Variants in SND1 observed in about 807,000 individuals in gnomAD.
The protein encoded by SND1 is staphylococcal nuclease and tudor domain containing 1.
Under a neutral mutation model 121.7 loss-of-function variants are expected in SND1, and 38 were observed. The observed-to-expected ratio is 0.31, with a 90% CI of 0.24 to 0.41. SND1 has a LOEUF of 0.41. SND1 is among the 10% of genes least tolerant of loss of function. The probability of loss-of-function intolerance (pLI) is 1.00; values close to 1 mark genes in which losing one functional copy is unlikely to be tolerated. For missense variants in SND1, 868 were observed against 1,184.6 expected, an observed-to-expected ratio of 0.73 and a Z score of 3.92; for synonymous variants, 401 against 447.4, an observed-to-expected ratio of 0.90 and a Z score of 1.31.
intron 10 of SND1, among the ~76,000 whole-genome samples, chr7:127,754,008 T>A (rs1426259765): frequency 2.6e-5 from 4 of 152,204 alleles, no homozygotes. Context: ...AGTATTTTAT[T>A]CACATTTAGC....
Position 127,700,057 on chromosome 7 carries a change from C to T in SND1, c.428+1104C>T, listed in dbSNP as rs1796075032. ...TTTGGTGGTGTTTTTGGACGTATGCCAAATTTGTATCTTAAGGACAATTAC... is the reference window on the plus strand; with the variant it reads ...TTTGGTGGTGTTTTTGGACGTATGCTAAATTTGTATCTTAAGGACAATTAC... On this transcript the variant is annotated intron_variant, in intron 4 of 23. Transcript: ENST00000354725. Among the ~76,000 whole-genome samples, 4 of 152,192 alleles carry T rather than the reference C, an allele frequency of 2.6e-5. No homozygotes were observed. The South Asian group carries it at 8.3e-4, about 32-fold the overall frequency.
At chr7:127,995,133 G>A (rs899497129) in intron 16 of SND1, among the ~76,000 whole-genome samples, 2 of 152,176 alleles carry the variant, frequency 1.3e-5, no homozygotes, top group South Asian at 2.1e-4. Context: ...AACTATTTAC[G>A]ATCTGTTCCT....
chr7:127,770,620 C>G (rs1797497673), intron 10 of SND1, among the ~76,000 whole-genome samples: 1 of 152,108 alleles, frequency 6.6e-6, no homozygotes, highest in Non-Finnish European at 1.5e-5. Flanking sequence ...GGACTAGAAC[C>G]CAGTCCTGAC....
chr7:127,653,886 C>T (rs941223664), intron 1 of SND1, among the ~76,000 whole-genome samples: 2 of 152,290 alleles, frequency 1.3e-5, no homozygotes, highest in Admixed American at 6.5e-5. Context: ...CCAAGATCCG[C>T]ATATATTTTT....
At chr7:127,687,559 G>C (rs1298531197) in intron 2 of SND1, among the ~76,000 whole-genome samples, 1 of 152,168 alleles carries the variant, frequency 6.6e-6, no homozygotes, top group African/African-American at 2.4e-5. Flanking sequence ...ACAAAAGTTA[G>C]AACATGTGAT....
intron 10 of SND1, among the ~76,000 whole-genome samples, chr7:127,770,881 C>T (rs928969776): frequency 2.6e-5 from 4 of 152,168 alleles, no homozygotes; most frequent in Non-Finnish European, 4.4e-5. Context: ...AAGTGCCCAC[C>T]TTTACTGTGA....
chr7:128,029,045 G>A lies in SND1; in HGVS notation c.1779+37989G>A. 1 of 1,614,100 alleles carries A rather than the reference G, an allele frequency of 6.2e-7. No homozygotes were observed. The highest frequency in any genetic ancestry group is 8.5e-7 in the Non-Finnish European group (1 of 1,180,022). ...CAGCTAGCAGAGTCACTGCCACAAA[G>A]CAGCCAATGATGATCTTGGTGGTCT... On this transcript the variant is annotated intron_variant, in intron 16 of 23. Coordinates refer to ENST00000354725, the MANE Select transcript of SND1 (RefSeq NM_014390.4). The surrounding 1 kb of genome is among the most constrained non-coding windows in gnomAD (Gnocchi z 4.2).
chr7:127,989,315 C>G (rs1482133818), intron 15 of SND1, among the ~76,000 whole-genome samples: 1 of 152,190 alleles, frequency 6.6e-6, no homozygotes, highest in East Asian at 1.9e-4. Flanking sequence ...TTCTCCTGGC[C>G]TAGCATTTTA....
chr7:128,092,168 C>T lies in SND1; in HGVS notation c.*110C>T. The T allele has an allele frequency of 4.1e-6, 5 of 1,206,298 alleles. No homozygotes were observed. Among genetic ancestry groups the T allele is most frequent in the Non-Finnish European group, 6.0e-6 (5 of 829,812 alleles). 74.7% of individuals were successfully genotyped at this position (1,206,298 alleles called of 1,614,324 possible). A position where few individuals can be genotyped will look rare whatever the true frequency, so the allele number is the denominator to read the frequency against. On this transcript the variant is annotated 3_prime_UTR_variant, in exon 24 of 24. Transcript: ENST00000354725. This position sits in a 1 kb window ranked among gnomAD's most constrained non-coding sequence, Gnocchi z 4.9. ...GAGAGGGGTTGTAGATTGGGTCCAG[C>T]TTTGCTTCAGTGTGTGGAAATGTCT...
intron 12 of SND1, among the ~76,000 whole-genome samples, chr7:127,875,940 A>C (rs1302132141): frequency 6.6e-6 from 1 of 152,134 alleles, no homozygotes; most frequent in Non-Finnish European, 1.5e-5. Flanking sequence ...CAAGCTTTGT[A>C]ACCTTTCTGT....
intron 1 of SND1, among the ~76,000 whole-genome samples, chr7:127,676,991 C>T (rs1354769702): frequency 6.6e-6 from 1 of 152,246 alleles, no homozygotes; most frequent in African/African-American, 2.4e-5. Context: ...ATCCACCCGC[C>T]TTGGCCTCCC....
intron 15 of SND1, among the ~76,000 whole-genome samples, chr7:127,986,385 G>A (rs1490294314): frequency 6.6e-6 from 1 of 152,048 alleles, no homozygotes; most frequent in South Asian, 2.1e-4. Context: ...ATCTCAAAAG[G>A]GTATAACCAA....
At chr7:127,880,565 A>C (rs1335501653) in intron 12 of SND1, among the ~76,000 whole-genome samples, 1 of 152,146 alleles carries the variant, frequency 6.6e-6, no homozygotes, top group Non-Finnish European at 1.5e-5. Flanking sequence ...TAAGGAAAAT[A>C]TTCGGCTTTT....
intron 15 of SND1, among the ~76,000 whole-genome samples, chr7:127,944,555 T>A (rs917831): frequency 0.87 from 133,090 of 152,178 alleles, 58,488 homozygotes; most frequent in African/African-American, 0.94. Flanking sequence ...CTAAACTGAG[T>A]CATTAATAAT....
intron 1 of SND1, among the ~76,000 whole-genome samples, chr7:127,658,050 T>C (rs1313670791): frequency 6.6e-6 from 1 of 152,160 alleles, no homozygotes; most frequent in Non-Finnish European, 1.5e-5. Context: ...ATCCCAGCAC[T>C]GTAATCCCAT....
At chr7:127,791,343 G>A (rs374722174) in intron 10 of SND1, among the ~76,000 whole-genome samples, 4 of 152,106 alleles carry the variant, frequency 2.6e-5, no homozygotes, top group East Asian at 1.9e-4. Context: ...TGTAGAGACA[G>A]GGTCTCACTC....
chr7:127,845,567 G>A (rs147567453), intron 12 of SND1, among the ~76,000 whole-genome samples: 1 of 152,330 alleles, frequency 6.6e-6, no homozygotes, highest in East Asian at 1.9e-4. Flanking sequence ...AATTACAATA[G>A]TTATTTGTTA....
At chr7:128,062,877 C>T (rs1164943341) in intron 16 of SND1, among the ~76,000 whole-genome samples, 1 of 152,228 alleles carries the variant, frequency 6.6e-6, no homozygotes, top group Admixed American at 6.5e-5. Context: ...AACTGCCTTT[C>T]CTCAAAGGTT....
intron 15 of SND1, among the ~76,000 whole-genome samples, chr7:127,941,294 C>T (rs192091535): frequency 4.8e-4 from 73 of 152,260 alleles, no homozygotes; most frequent in African/African-American, 1.7e-3. Context: ...GCAAGATTAG[C>T]TTATAGGCTT....
Sources: gnomAD v4.1 joint callset for allele counts (sites outside exome capture counted in the v4.1 genomes callset) on GRCh38, gnomAD v4.1.1 for gene constraint, Gnocchi (gnomAD v3.1) non-coding constraint, MANE v1.5 for transcripts, NCBI Gene and HGNC (gene_info 2026-07-23, HGNC 2026-07-21) for gene names.